The following UBE2H variants were observed in gnomAD, a reference collection of about 807,000 sequenced individuals.
The protein encoded by UBE2H is ubiquitin-conjugating enzyme E2 H.
Under a neutral mutation model 29.0 loss-of-function variants are expected in UBE2H, and 3 were observed. The ratio of observed to expected loss-of-function variants is 0.10; its 90% CI spans 0.05 to 0.27. The LOEUF (loss-of-function observed/expected upper bound fraction) is 0.27. UBE2H is among the 10% of genes least tolerant of loss of function. The pLI is 1.00. For missense variants in UBE2H, 68 were observed against 228.2 expected, an observed-to-expected ratio of 0.30 and a Z score of 4.52; for synonymous variants, 69 against 82.9, an observed-to-expected ratio of 0.83 and a Z score of 0.91.
At chr7:129,896,286 G>A (rs886375793) in intron 1 of UBE2H, among the ~76,000 whole-genome samples, 3 of 151,330 alleles carry the variant, frequency 2.0e-5, no homozygotes, top group South Asian at 2.1e-4. Flanking sequence ...GCAGTGAGCC[G>A]AGATCACACC....
chr7:129,950,449 C>G (rs1807851526), intron 1 of UBE2H, among the ~76,000 whole-genome samples: 1 of 152,060 alleles, frequency 6.6e-6, no homozygotes, highest in African/African-American at 2.4e-5. Context: ...CCCTCTCCAC[C>G]CCCCACACCC....
intron 1 of UBE2H, among the ~76,000 whole-genome samples, chr7:129,913,453 T>A (rs1806980835): frequency 6.6e-6 from 1 of 152,082 alleles, no homozygotes; most frequent in Non-Finnish European, 1.5e-5. Context: ...TGATCTTTTG[T>A]AATAGAAGAG....
chr7:129,835,356 C>A (rs1805302697), intron 6 of UBE2H, among the ~76,000 whole-genome samples: 1 of 152,126 alleles, frequency 6.6e-6, no homozygotes, highest in East Asian at 1.9e-4. Flanking sequence ...CTTCAGGGAC[C>A]AGGGAAATGG....
At chr7:129,889,471 C>A (rs1294782969) in intron 1 of UBE2H, among the ~76,000 whole-genome samples, 1 of 152,174 alleles carries the variant, frequency 6.6e-6, no homozygotes, top group African/African-American at 2.4e-5. Flanking sequence ...CTAATTCAAG[C>A]TCTAAATTTC....
rs544746672 is a variant in UBE2H at position 129,933,278 on chromosome 7, A to G, written c.53+19225T>C. ...CATAAAGGTCCTTAATGAAGTCCTG[A>G]GCAAACTAAGAAGTTGACAGTATCA... On this transcript the variant is annotated intron_variant, in intron 1 of 6. Coordinates refer to ENST00000355621, the MANE Select transcript of UBE2H (RefSeq NM_003344.4). 1.6e-3 allele frequency among the ~76,000 whole-genome samples: 237 copies of G among 152,348 alleles called. 1 individual carries two copies. Among genetic ancestry groups the G allele is most frequent in the African/African-American group, 5.3e-3 (222 of 41,586 alleles).
intron 5 of UBE2H, among the ~76,000 whole-genome samples, chr7:129,846,809 G>A (rs967767151): frequency 9.2e-5 from 14 of 152,004 alleles, no homozygotes; most frequent in African/African-American, 2.7e-4. Flanking sequence ...CCATTCTTCC[G>A]TTCTCAATCC....
At position 129,952,504 on chromosome 7, in the gene UBE2H, G is replaced by A; in HGVS notation, c.52C>T (p.Leu18Phe). Residue 18 changes from leucine to phenylalanine, a missense_variant and splice_region_variant, in exon 1 of 7, where the codon CTC becomes TTC. This residue lies in a region of UBE2H where 40 missense variants were observed against 174.1 expected (regional missense o/e 0.23). Coordinates refer to ENST00000355621, the MANE Select transcript of UBE2H (RefSeq NM_003344.4). ...CGAATTCCCCTCCACGAAGGATACA[G>A]CTTGACCACGTCCGTGTCCATCCGC... ...KRRMDTDVVK[L>F]IESKHEVTIL... 6.2e-7 allele frequency: 1 copy of A among 1,612,848 alleles called. No homozygotes were observed. Among genetic ancestry groups the A allele is most frequent in the Non-Finnish European group, 8.5e-7 (1 of 1,179,286 alleles).
At chr7:129,852,466 CAAA>C (rs138503338) in intron 5 of UBE2H, among the ~76,000 whole-genome samples, 1 of 135,466 alleles carries the variant, frequency 7.4e-6, no homozygotes. Context: ...GACTCCGTCT[CAAA>C]AAAAAAAAAA....
chr7:129,838,979 A>C (rs907992343), intron 6 of UBE2H, among the ~76,000 whole-genome samples: 2 of 152,168 alleles, frequency 1.3e-5, no homozygotes, highest in African/African-American at 2.4e-5. Context: ...TCCCATCAGC[A>C]CGTAAACTGT....
At chr7:129,863,375 G>T (rs1292235126) in intron 3 of UBE2H, among the ~76,000 whole-genome samples, 1 of 152,140 alleles carries the variant, frequency 6.6e-6, no homozygotes, top group Non-Finnish European at 1.5e-5. Flanking sequence ...TCAACTGCAG[G>T]CCCTGGGCAA....
At chr7:129,867,318 G>A (rs1805924247) in intron 3 of UBE2H, among the ~76,000 whole-genome samples, 1 of 149,614 alleles carries the variant, frequency 6.7e-6, no homozygotes, top group African/African-American at 2.5e-5. Flanking sequence ...AACAATGATA[G>A]ACTGGATTAA....
At chr7:129,946,116 T>A (rs1296254521) in intron 1 of UBE2H, among the ~76,000 whole-genome samples, 8 of 150,648 alleles carry the variant, frequency 5.3e-5, no homozygotes, top group South Asian at 2.1e-4. Context: ...ACAGTGGCGC[T>A]ATCTCTGCTC....
intron 4 of UBE2H, 68 bp downstream of exon 4, chr7:129,858,834 T>C: frequency 1.4e-6 from 2 of 1,464,122 alleles, no homozygotes; most frequent in Non-Finnish European, 1.9e-6. Context: ...AGGCTTTTTA[T>C]AACACAGAGA....
chr7:129,926,233 G>A (rs921068511), intron 1 of UBE2H, among the ~76,000 whole-genome samples: 21 of 151,354 alleles, frequency 1.4e-4, no homozygotes, highest in Non-Finnish European at 2.1e-4. Context: ...GCCTCGGCCC[G>A]GCACAGTGGC....
chr7:129,859,090 T>C (rs979469146), intron 3 of UBE2H, 149 bp from the exon 4 acceptor site: 3 of 633,844 alleles, frequency 4.7e-6, no homozygotes, highest in South Asian at 2.0e-5. Flanking sequence ...CTGATAAACA[T>C]TATATTCTCC....
chr7:129,866,386 A>G (rs1477457225), intron 3 of UBE2H, among the ~76,000 whole-genome samples: 1 of 152,220 alleles, frequency 6.6e-6, no homozygotes, highest in African/African-American at 2.4e-5. Flanking sequence ...GTGGATTATC[A>G]AAACCTCTGG....
At chr7:129,869,973 T>C (rs1490870896) in intron 3 of UBE2H, among the ~76,000 whole-genome samples, 1 of 152,208 alleles carries the variant, frequency 6.6e-6, no homozygotes, top group Non-Finnish European at 1.5e-5. Context: ...CAAATCTACT[T>C]TCTTTCTCTC....
chr7:129,870,369 A>T lies in UBE2H; in HGVS notation c.205+9199T>A, dbSNP rs550958459. Among the ~76,000 whole-genome samples, 9 of 152,372 alleles carry T rather than the reference A, an allele frequency of 5.9e-5. No individual in the cohort carries two copies. In the South Asian group the frequency reaches 1.9e-3, roughly 32 times the overall value. ...GGTGGCTCACACCTGCTGTCCCAGC[A>T]CATTGGGAGGCCAATGTGGGCAGAT... is the stretch of plus-strand genomic sequence containing the variant. On this transcript the variant is annotated intron_variant, in intron 3 of 6. Coordinates refer to ENST00000355621, the MANE Select transcript of UBE2H (RefSeq NM_003344.4).
chr7:129,904,706 T>G (rs1563041277), intron 1 of UBE2H, among the ~76,000 whole-genome samples: 1 of 152,190 alleles, frequency 6.6e-6, no homozygotes, highest in Non-Finnish European at 1.5e-5. Flanking sequence ...ATGAATAGTG[T>G]GAGTAGGTGC....
Sources: gnomAD v4.1 joint callset for allele counts (sites outside exome capture counted in the v4.1 genomes callset) on GRCh38, gnomAD v4.1.1 for gene constraint, gnomAD v4.1.1 regional missense constraint, MANE v1.5 for transcripts, NCBI Gene and HGNC (gene_info 2026-07-23, HGNC 2026-07-21) for gene names.